EPS8: variants seen among roughly 807,000 people sequenced by gnomAD.
EPS8 encodes epidermal growth factor receptor kinase substrate 8.
EPS8 carries 42 observed loss-of-function variants against 103.8 expected under a neutral mutation model. The observed-to-expected ratio is 0.40, with a 90% CI of 0.32 to 0.52. EPS8 has a LOEUF of 0.52. Ranked by LOEUF, EPS8 falls within the 20% of genes least tolerant of loss-of-function variation. EPS8 has a pLI of 0.40. For missense variants in EPS8, 969 were observed against 1,005.1 expected, an observed-to-expected ratio of 0.96 and a Z score of 0.49; for synonymous variants, 344 against 344.6, an observed-to-expected ratio of 1.00 and a Z score of 0.02.
intron 17 of EPS8, 81 bp downstream of exon 17, chr12:15,640,622 A>C: frequency 7.7e-7 from 1 of 1,300,668 alleles, no homozygotes; most frequent in Non-Finnish European, 1.1e-6. Context: ...TGATCAATAC[A>C]CAAAGGTGTT....
rs1267860154 is a variant in EPS8, at chr12:15,735,381, T to C, written c.-21-52409A>G. 1.3e-5 allele frequency among the ~76,000 whole-genome samples: 2 copies of C among 152,160 alleles called. No individual in the cohort carries two copies. Among genetic ancestry groups the C allele is most frequent in the Admixed American group, 6.5e-5 (1 of 15,284 alleles). On this transcript the variant is annotated intron_variant, in intron 1 of 20. Transcript: ENST00000281172. The surrounding 1 kb of genome is among the most constrained non-coding windows in gnomAD (Gnocchi z 4.4). Reference sequence around the variant, plus strand: ...TTTTTTATCAAGATTCAAAATTATATAGATGGAAAAAATGAAGAGGAAAGA... The same window carrying C: ...TTTTTTATCAAGATTCAAAATTATACAGATGGAAAAAATGAAGAGGAAAGA...
intron 1 of EPS8, among the ~76,000 whole-genome samples, chr12:15,773,084 T>C (rs972368890): frequency 2.0e-5 from 3 of 152,088 alleles, no homozygotes; most frequent in Admixed American, 1.3e-4. Context: ...TCAAGAATCT[T>C]AGGTGGAAAC....
chr12:15,675,197 T>G (rs865834241), intron 3 of EPS8, among the ~76,000 whole-genome samples: 1 of 152,188 alleles, frequency 6.6e-6, no homozygotes, highest in African/African-American at 2.4e-5. Context: ...ATAGGTTACT[T>G]ATACTCAATT....
intron 1 of EPS8, among the ~76,000 whole-genome samples, chr12:15,703,746 G>T (rs1229863021): frequency 6.7e-6 from 1 of 149,514 alleles, no homozygotes; most frequent in Non-Finnish European, 1.5e-5. Context: ...AGAGAACGAA[G>T]TTGACACTTT....
At chr12:15,666,651 A>G (rs1159792733) in intron 6 of EPS8, 129 bp from the exon 7 acceptor site, 2 of 640,888 alleles carry the variant, frequency 3.1e-6, no homozygotes, top group Non-Finnish European at 5.4e-6. Context: ...GTCTTTTTAT[A>G]AAAATCTTGC....
At chr12:15,718,772 AG>A (rs994290888) in intron 1 of EPS8, among the ~76,000 whole-genome samples, 2 of 152,162 alleles carry the variant, frequency 1.3e-5, no homozygotes, top group African/African-American at 4.8e-5. Flanking sequence ...ATGTCCTCAA[AG>A]CCTGTCCTTT....
chr12:15,710,686 A>G (rs998229674), intron 1 of EPS8, among the ~76,000 whole-genome samples: 50 of 152,318 alleles, frequency 3.3e-4, no homozygotes, highest in African/African-American at 1.1e-3. Context: ...AAGTGCTTAC[A>G]TGTCAAATTA....
At chr12:15,775,834 A>G (rs1947201847) in intron 1 of EPS8, among the ~76,000 whole-genome samples, 1 of 152,208 alleles carries the variant, frequency 6.6e-6, no homozygotes, top group Admixed American at 6.5e-5. Context: ...AAATTTCATT[A>G]ACTGAAACAA....
Position 15,666,412 on chromosome 12 carries a change from A to G in EPS8, c.599+28T>C, listed in dbSNP as rs201078948. On this transcript the variant is annotated intron_variant, in intron 7 of 20. Transcript: ENST00000281172. ...AAAGCCTTAGAAACAAATCAATTCC[A>G]CTCCTTGATTTCTTTCAATGCTTTT... The G allele has an allele frequency of 6.2e-5, 95 of 1,536,370 alleles. No individual in the cohort carries two copies. The East Asian group carries it at 2.1e-3, about 34-fold the overall frequency.
intron 1 of EPS8, among the ~76,000 whole-genome samples, chr12:15,763,299 T>G (rs1947060396): frequency 1.3e-5 from 2 of 151,984 alleles, no homozygotes; most frequent in Non-Finnish European, 2.9e-5. Context: ...TCCAAGTTGG[T>G]AAAAAATAAA....
At chr12:15,645,868 A>C (rs1945311256) in intron 15 of EPS8, among the ~76,000 whole-genome samples, 1 of 152,226 alleles carries the variant, frequency 6.6e-6, no homozygotes, top group African/African-American at 2.4e-5. Context: ...TACTCTACAT[A>C]TGTACTCAAG....
At chr12:15,730,480 A>G (rs748475282) in intron 1 of EPS8, among the ~76,000 whole-genome samples, 3 of 152,196 alleles carry the variant, frequency 2.0e-5, no homozygotes, top group Non-Finnish European at 4.4e-5. Context: ...GGAGCTAGGT[A>G]CTTGAAGACA....
chr12:15,678,914 CAAAAAAAAAAA>C (rs34794895), intron 3 of EPS8, among the ~76,000 whole-genome samples: 2 of 54,762 alleles, frequency 3.7e-5, no homozygotes, highest in East Asian at 5.7e-4. Context: ...ACTCTGTCTC[CAAAAAAAAAAA>C]AAAAAAAAAA....
At chr12:15,753,405 A>T (rs966307697) in intron 1 of EPS8, among the ~76,000 whole-genome samples, 4 of 152,180 alleles carry the variant, frequency 2.6e-5, no homozygotes, top group African/African-American at 9.7e-5. Flanking sequence ...TGATAGCTTC[A>T]AATAGCTCCT....
rs1591805031 is a variant in EPS8, at chr12:15,633,323, C to T, written c.1822-1659G>A. On this transcript the variant is annotated intron_variant, in intron 17 of 20. Transcript: ENST00000281172. ...CAAAGTCATCTGATTAATGTATATG[C>T]AATGTTCCCTTGACAAGAATGTCCT... 2.0e-5 allele frequency among the ~76,000 whole-genome samples: 3 copies of T among 152,130 alleles called. No homozygotes were observed. In the East Asian group the frequency reaches 5.8e-4, roughly 29 times the overall value.
intron 3 of EPS8, among the ~76,000 whole-genome samples, chr12:15,679,717 A>G (rs1945971317): frequency 6.6e-6 from 1 of 152,194 alleles, no homozygotes; most frequent in African/African-American, 2.4e-5. Flanking sequence ...CCTTTATTAT[A>G]ACAATGTGTT....
At chr12:15,655,938 T>C (rs1380696950) in intron 12 of EPS8, among the ~76,000 whole-genome samples, 2 of 152,196 alleles carry the variant, frequency 1.3e-5, no homozygotes, top group Non-Finnish European at 2.9e-5. Context: ...AGGGAGAACA[T>C]TAAATGGACC....
At chr12:15,709,451 A>C (rs1480426008) in intron 1 of EPS8, among the ~76,000 whole-genome samples, 1 of 152,240 alleles carries the variant, frequency 6.6e-6, no homozygotes, top group Admixed American at 6.5e-5. Flanking sequence ...CAGGAAATGG[A>C]AACTGTAAAG....
intron 1 of EPS8, among the ~76,000 whole-genome samples, chr12:15,754,544 C>T (rs1247616381): frequency 1.3e-5 from 2 of 152,190 alleles, no homozygotes; most frequent in Admixed American, 1.3e-4. Flanking sequence ...AATAGCTATT[C>T]ATCCTTAGAC....
Sources: allele counts gnomAD v4.1 joint callset (sites outside exome capture counted in the v4.1 genomes callset), GRCh38; gene constraint gnomAD v4.1.1; non-coding constraint Gnocchi (gnomAD v3.1); transcripts MANE v1.5; gene names NCBI Gene and HGNC (gene_info 2026-07-23, HGNC 2026-07-21).